RBFOX1: variants seen among roughly 807,000 people sequenced by gnomAD.
RBFOX1 encodes RNA binding fox-1 homolog 1, also known as RNA binding protein fox-1 homolog 1.
RBFOX1 carries 8 observed loss-of-function variants against 57.7 expected under a neutral mutation model. That is an observed-to-expected ratio of 0.14 (90% CI 0.08 to 0.25). The LOEUF (loss-of-function observed/expected upper bound fraction) is 0.25. RBFOX1 is among the 10% of genes least tolerant of loss of function. The pLI is 1.00. For synonymous variants in RBFOX1, 326 were observed against 222.4 expected (o/e 1.47, Z -4.15); for missense variants, 611 against 548.5 (o/e 1.11, Z -1.14).
intron 1 of RBFOX1, among the ~76,000 whole-genome samples, chr16:6,121,154 C>T (rs1378915268): frequency 1.3e-5 from 2 of 152,160 alleles, no homozygotes; most frequent in Non-Finnish European, 2.9e-5. Context: ...CCAGGCACAG[C>T]CCTGCCAACC....
intron 2 of RBFOX1, among the ~76,000 whole-genome samples, chr16:5,508,717 G>A (rs1411965283): frequency 6.6e-6 from 1 of 152,142 alleles, no homozygotes; most frequent in East Asian, 1.9e-4. Context: ...CATACCCAAG[G>A]TGGGGCGGGG....
intron 3 of RBFOX1, among the ~76,000 whole-genome samples, chr16:6,909,272 T>C (rs985412895): frequency 6.6e-6 from 1 of 152,162 alleles, no homozygotes; most frequent in African/African-American, 2.4e-5. Flanking sequence ...GCCAGCATTG[T>C]GGCCTTCAGA....
At chr16:6,204,259 G>T (rs2097238088) in intron 1 of RBFOX1, among the ~76,000 whole-genome samples, 1 of 152,018 alleles carries the variant, frequency 6.6e-6, no homozygotes. Context: ...TTACAGTGGG[G>T]AAAATGGGAA....
rs117628114 is a variant in RBFOX1, at chr16:6,185,196, T to A, written c.-126-131799T>A. On this transcript the variant is annotated intron_variant, in intron 1 of 15. Transcript: ENST00000550418. The stretch of plus-strand genomic sequence containing the variant: ...CACAGGCTCTAATATATTCAACATT[T>A]AAAAAAATTACCCTGTGACTCTATT... 9.9e-3 allele frequency among the ~76,000 whole-genome samples: 1,513 copies of A among 152,250 alleles called. 13 individuals carry two copies. Among genetic ancestry groups the A allele is most frequent in the Non-Finnish European group, 0.016 (1,090 of 68,004 alleles).
At chr16:6,699,058 G>T (rs1428906342) in intron 3 of RBFOX1, among the ~76,000 whole-genome samples, 1 of 152,134 alleles carries the variant, frequency 6.6e-6, no homozygotes, top group African/African-American at 2.4e-5. Context: ...TTACCTTAGG[G>T]ATTCAAGTAG....
intron 3 of RBFOX1, among the ~76,000 whole-genome samples, chr16:6,994,125 G>C (rs891567735): frequency 1.3e-5 from 2 of 152,134 alleles, no homozygotes; most frequent in Non-Finnish European, 2.9e-5. Context: ...GTGATGAGGG[G>C]AGTTTGGGAA....
rs551980845 is a variant in RBFOX1, at chr16:7,508,230, G to A, written c.28-9917G>A. ...TGACCTCAAGCGATCCGCACGCCTC[G>A]GCCTTCCTAAGTGCTGGGATTACAA... On this transcript the variant is annotated intron_variant, in intron 4 of 15. Coordinates refer to ENST00000550418, the MANE Select transcript of RBFOX1 (RefSeq NM_018723.4). Among the ~76,000 whole-genome samples, 58 of 151,990 alleles carry A rather than the reference G, an allele frequency of 3.8e-4. 2 individuals are homozygous for A. In the South Asian group the frequency reaches 8.7e-3, roughly 23 times the overall value.
At chr16:6,631,797 A>C (rs2098388161) in intron 2 of RBFOX1, among the ~76,000 whole-genome samples, 1 of 152,152 alleles carries the variant, frequency 6.6e-6, no homozygotes, top group Non-Finnish European at 1.5e-5. Context: ...TCAGAGCAGC[A>C]GCTCTGCAGG....
chr16:6,604,294 A>G (rs1383914678), intron 2 of RBFOX1, among the ~76,000 whole-genome samples: 2 of 152,002 alleles, frequency 1.3e-5, no homozygotes, highest in African/African-American at 2.4e-5. Flanking sequence ...ACCTCAATAA[A>G]TATTATTGTT....
intron 4 of RBFOX1, among the ~76,000 whole-genome samples, chr16:7,307,401 C>G (rs969847679): frequency 2.6e-5 from 4 of 152,188 alleles, no homozygotes; most frequent in African/African-American, 9.7e-5. Flanking sequence ...GCCTCAGCAT[C>G]GGAGTCTACT....
At chr16:6,015,437 C>T (rs2094987561), upstream of RBFOX1, among the ~76,000 whole-genome samples, 1 of 152,158 alleles carries the variant, frequency 6.6e-6, no homozygotes, top group Non-Finnish European at 1.5e-5. Context: ...AATGGTGCAT[C>T]TTGAAAAGCT....
chr16:7,196,025 G>A (rs1417778907), intron 4 of RBFOX1, among the ~76,000 whole-genome samples: 2 of 151,856 alleles, frequency 1.3e-5, no homozygotes, highest in Non-Finnish European at 2.9e-5. Flanking sequence ...AAAAAAAAAT[G>A]TGAGTATCAT....
chr16:6,929,687 G>T (rs72772263), intron 3 of RBFOX1, among the ~76,000 whole-genome samples: 15,471 of 151,652 alleles, frequency 0.1, 918 homozygotes, highest in East Asian at 0.15. Flanking sequence ...GTGTGTTAGA[G>T]AATGTGTTAC....
chr16:5,371,798 G>GTTGCACCTTGGCCCTGGT lies in RBFOX1; in HGVS notation c.220-95418_220-95417insTTGCACCTTGGCCCTGGT, dbSNP rs1251768196. Among the ~76,000 whole-genome samples, 7 of 151,912 alleles carry GTTGCACCTTGGCCCTGGT rather than the reference G, an allele frequency of 4.6e-5. 2 individuals are homozygous for GTTGCACCTTGGCCCTGGT. Among genetic ancestry groups the GTTGCACCTTGGCCCTGGT allele is most frequent in the Admixed American group, 4.6e-4 (7 of 15,270 alleles). ...GCCCTGGGTTGCACCTTGGCCCTGG[G>GTTGCACCTTGGCCCTGGT]CTGCAGATACCCATGCTCCCACCTG... On this transcript the variant is annotated intron_variant, in intron 1 of 2. Coordinates refer to the RBFOX1 transcript ENST00000585867.
At chr16:6,050,305 GTTTGT>G (rs2095539714) in intron 1 of RBFOX1, among the ~76,000 whole-genome samples, 1 of 152,062 alleles carries the variant, frequency 6.6e-6, no homozygotes, top group Non-Finnish European at 1.5e-5. Context: ...ATTTTTGTGT[GTTTGT>G]TTTAACATTT....
chr16:7,479,362 C>T (rs2063417644), intron 4 of RBFOX1, among the ~76,000 whole-genome samples: 1 of 152,056 alleles, frequency 6.6e-6, no homozygotes, highest in South Asian at 2.1e-4. Flanking sequence ...AACTCCTGGG[C>T]TCAGTGTATC....
chr16:7,238,977 C>CT (rs1431549262), intron 4 of RBFOX1, among the ~76,000 whole-genome samples: 1 of 152,178 alleles, frequency 6.6e-6, no homozygotes, highest in Non-Finnish European at 1.5e-5. Context: ...TGATCTTGTT[C>CT]TTTTTTATGG....
At chr16:6,289,407 G>A (rs979572051) in intron 1 of RBFOX1, among the ~76,000 whole-genome samples, 1 of 152,118 alleles carries the variant, frequency 6.6e-6, no homozygotes, top group Non-Finnish European at 1.5e-5. Context: ...AGTAGGAAGT[G>A]AGGAAGTAAC....
rs559477153 is a variant in RBFOX1 at position 6,657,127 on chromosome 16, C to T, written c.-16+2477C>T. On this transcript the variant is annotated intron_variant, in intron 3 of 15. Transcript: ENST00000550418. ...CCTCTCCTCCCCTCTCCTCTCCTCT[C>T]CTCTCCTCTTCTCTCCTCTTCTCTC... is the stretch of plus-strand genomic sequence containing the variant. 1.0e-4 allele frequency among the ~76,000 whole-genome samples: 15 copies of T among 147,386 alleles called. 2 individuals carry two copies. The South Asian group carries it at 2.9e-3, about 29-fold the overall frequency.
Sources: gnomAD v4.1 joint callset for allele counts (sites outside exome capture counted in the v4.1 genomes callset) on GRCh38, gnomAD v4.1.1 for gene constraint, MANE v1.5 for transcripts, NCBI Gene and HGNC (gene_info 2026-07-23, HGNC 2026-07-21) for gene names.